The following EXOC2 variants were observed in gnomAD, a reference collection of about 807,000 sequenced individuals.
EXOC2 encodes exocyst complex component 2, also known as SEC5-like 1.
A neutral mutation model predicts 131.8 loss-of-function variants in EXOC2; 70 were observed. The observed-to-expected ratio is 0.53, with a 90% CI of 0.44 to 0.65. EXOC2 has a LOEUF of 0.65. Among genes scored for constraint, EXOC2 ranks in the 30% least tolerant of loss-of-function variants. EXOC2 has a pLI of 0.00. For synonymous variants in EXOC2, 411 were observed against 398.4 expected (o/e 1.03, Z -0.38); for missense variants, 923 against 1,108.6 (o/e 0.83, Z 2.38).
At chr6:576,913 T>C (rs377471529) in intron 11 of EXOC2, 31 bp from the exon 12 acceptor site, 6 of 1,609,166 alleles carry the variant, frequency 3.7e-6, no homozygotes, top group East Asian at 4.5e-5. Flanking sequence ...ATACAGAGTA[T>C]ATAGCATGCT....
At chr6:524,310 T>G (rs1161036425) in intron 23 of EXOC2, 1 of 152,128 alleles carries the variant, frequency 6.6e-6, no homozygotes, top group Non-Finnish European at 1.5e-5. Context: ...CATCTGTATC[T>G]ATGTAAGAAA....
At chr6:501,176 CTATATATTATA>C (rs1764073807) in intron 23 of EXOC2, among the ~76,000 whole-genome samples, 1 of 6,354 alleles carries the variant, frequency 1.6e-4, no homozygotes, top group Non-Finnish European at 2.5e-4. Flanking sequence ...TTATATATAT[CTATATATTATA>C]TATATCTATA....
chr6:533,153 G>A (rs912563118), intron 22 of EXOC2, among the ~76,000 whole-genome samples: 2 of 152,174 alleles, frequency 1.3e-5, no homozygotes, highest in African/African-American at 4.8e-5. Flanking sequence ...CCCTTGACAC[G>A]TGGGGATTAT....
chr6:668,862 CTG>C (rs1200541517), intron 1 of EXOC2, among the ~76,000 whole-genome samples: 2 of 152,166 alleles, frequency 1.3e-5, no homozygotes, highest in African/African-American at 4.8e-5. Context: ...AGTTATCAAA[CTG>C]TATTGTTTTT....
intron 1 of EXOC2, among the ~76,000 whole-genome samples, chr6:682,312 G>A (rs1048457119): frequency 6.7e-6 from 1 of 149,806 alleles, no homozygotes; most frequent in African/African-American, 2.5e-5. Flanking sequence ...CCATTCTCCT[G>A]CCTCAGCCTC....
At chr6:605,921 C>T (rs1330465202) in intron 7 of EXOC2, among the ~76,000 whole-genome samples, 3 of 152,194 alleles carry the variant, frequency 2.0e-5, no homozygotes, top group African/African-American at 4.8e-5. Context: ...TTGTTGGTTT[C>T]AAAGAACATC....
chr6:665,951 C>A (rs1005127476), intron 1 of EXOC2, among the ~76,000 whole-genome samples: 3 of 152,078 alleles, frequency 2.0e-5, no homozygotes, highest in African/African-American at 7.2e-5. Flanking sequence ...AAATAAGAGT[C>A]AAAAAATTAT....
intron 1 of EXOC2, among the ~76,000 whole-genome samples, chr6:692,734 GC>G (rs1407836913): frequency 1.3e-5 from 2 of 151,526 alleles, no homozygotes; most frequent in African/African-American, 4.8e-5. Context: ...CCTGGAGTCA[GC>G]CCTCTGCAGC....
At chr6:611,942 CAAAT>C (rs1458292230) in intron 6 of EXOC2, among the ~76,000 whole-genome samples, 1 of 152,178 alleles carries the variant, frequency 6.6e-6, no homozygotes, top group Non-Finnish European at 1.5e-5. Context: ...TTTTAACACT[CAAAT>C]AAAATGTAGA....
chr6:635,002 C>T (rs1038696631), intron 2 of EXOC2, among the ~76,000 whole-genome samples: 17 of 152,136 alleles, frequency 1.1e-4, no homozygotes, highest in African/African-American at 4.1e-4. Flanking sequence ...GTATAACCTG[C>T]TTAATTATTG....
chr6:488,746 T>G, intron 27 of EXOC2, among the ~76,000 whole-genome samples: 1 of 152,144 alleles, frequency 6.6e-6, no homozygotes, highest in East Asian at 1.9e-4. Flanking sequence ...TTCTAAATTC[T>G]CCTAAACCCA....
chr6:633,213 T>C, intron 2 of EXOC2, 96 bp from the exon 3 acceptor site: 1 of 1,323,194 alleles, frequency 7.6e-7, no homozygotes, highest in South Asian at 1.3e-5. Context: ...TCTTGTTCAA[T>C]AATGACATTA....
chr6:536,749 T>G (rs1766464975), intron 22 of EXOC2, among the ~76,000 whole-genome samples: 2 of 152,166 alleles, frequency 1.3e-5, no homozygotes, highest in African/African-American at 4.8e-5. Context: ...GAAAAAATAT[T>G]CAGGACATTG....
At chr6:659,094 G>A (rs1329809028) in intron 1 of EXOC2, among the ~76,000 whole-genome samples, 1 of 152,112 alleles carries the variant, frequency 6.6e-6, no homozygotes, top group East Asian at 1.9e-4. Flanking sequence ...TCAAGTCACT[G>A]AGCTCTCCTG....
At chr6:658,652 T>TATATATATAAA (rs1763259263) in intron 1 of EXOC2, among the ~76,000 whole-genome samples, 1 of 77,598 alleles carries the variant, frequency 1.3e-5, no homozygotes, top group Admixed American at 1.3e-4. Flanking sequence ...ATTTTATATA[T>TATATATATAAA]ATATATATAT....
intron 20 of EXOC2, among the ~76,000 whole-genome samples, chr6:554,831 G>T (rs1193806001): frequency 6.6e-6 from 1 of 152,192 alleles, no homozygotes; most frequent in Non-Finnish European, 1.5e-5. Flanking sequence ...GTCCACTGGA[G>T]CTCCAATAAC....
At chr6:673,547 C>T (rs562957046) in intron 1 of EXOC2, among the ~76,000 whole-genome samples, 11 of 152,162 alleles carry the variant, frequency 7.2e-5, no homozygotes, top group Admixed American at 7.2e-4. Context: ...GGAGCGAAAA[C>T]GTTTCTAACA....
chr6:511,225 C>T (rs532050839), intron 23 of EXOC2, among the ~76,000 whole-genome samples: 1 of 152,332 alleles, frequency 6.6e-6, no homozygotes, highest in East Asian at 1.9e-4. Flanking sequence ...GCGGGTCCCG[C>T]ACCCCTTTGA....
chr6:676,858 C>T (rs1764157105), intron 1 of EXOC2, among the ~76,000 whole-genome samples: 1 of 135,554 alleles, frequency 7.4e-6, no homozygotes, highest in South Asian at 2.6e-4. Flanking sequence ...GTTCCCCATA[C>T]TCTTCAACAT....
Sources: gnomAD v4.1 joint callset for allele counts (sites outside exome capture counted in the v4.1 genomes callset) on GRCh38, gnomAD v4.1.1 for gene constraint, MANE v1.5 for transcripts, NCBI Gene and HGNC (gene_info 2026-07-23, HGNC 2026-07-21) for gene names.